AGBL1: variants seen among roughly 807,000 people sequenced by gnomAD.
The protein encoded by AGBL1 is cytosolic carboxypeptidase 4.
A neutral mutation model predicts 118.9 loss-of-function variants in AGBL1; 130 were observed. The ratio of observed to expected loss-of-function variants is 1.09; its 90% confidence interval spans 0.95 to 1.26. AGBL1 has a LOEUF of 1.26. AGBL1 is among the 50% of genes most tolerant of loss of function. The pLI is 0.00. For missense variants in AGBL1, 1,584 were observed against 1,298.1 expected (o/e 1.22, Z -3.38); for synonymous variants, 555 against 478.9 (o/e 1.16, Z -2.08).
chr15:86,932,278 CATG>C (rs1452081684), intron 23 of AGBL1, among the ~76,000 whole-genome samples: 1 of 152,160 alleles, frequency 6.6e-6, no homozygotes, highest in Non-Finnish European at 1.5e-5. Flanking sequence ...AATTTCTAAA[CATG>C]ATATTACTGC....
At chr15:86,501,230 T>C (rs548459044) in intron 18 of AGBL1, among the ~76,000 whole-genome samples, 1 of 151,858 alleles carries the variant, frequency 6.6e-6, no homozygotes, top group East Asian at 1.9e-4. Context: ...TTTTGTAATT[T>C]TGATTTTCAT....
chr15:86,822,396 C>T (rs1326255324), intron 22 of AGBL1, among the ~76,000 whole-genome samples: 1 of 152,106 alleles, frequency 6.6e-6, no homozygotes, highest in Non-Finnish European at 1.5e-5. Flanking sequence ...TTTTTAAGAA[C>T]CCAGGCTAAG....
At chr15:86,291,010 G>A (rs900728213) in intron 16 of AGBL1, among the ~76,000 whole-genome samples, 5 of 152,126 alleles carry the variant, frequency 3.3e-5, no homozygotes, top group African/African-American at 1.2e-4. Context: ...TCCCTACAAA[G>A]GACATGAACT....
At chr15:86,192,424 A>G (rs971583189) in intron 5 of AGBL1, among the ~76,000 whole-genome samples, 2 of 151,850 alleles carry the variant, frequency 1.3e-5, no homozygotes, top group African/African-American at 2.4e-5. Flanking sequence ...CAATGTACAT[A>G]CATATGTGTA....
At chr15:86,266,260 T>C (rs1207230411) in intron 11 of AGBL1, 114 bp from the exon 12 acceptor site, 2 of 646,350 alleles carry the variant, frequency 3.1e-6, no homozygotes, top group Non-Finnish European at 5.3e-6. Flanking sequence ...ATTAAACTTC[T>C]CTGTGCTTTC....
intron 22 of AGBL1, among the ~76,000 whole-genome samples, chr15:86,887,892 G>A (rs549921604): frequency 6.6e-6 from 1 of 152,026 alleles, no homozygotes; most frequent in African/African-American, 2.4e-5. Flanking sequence ...ACTACACAGA[G>A]GTATAGATTC....
chr15:87,025,911 G>A (rs1312047442), intron 24 of AGBL1, among the ~76,000 whole-genome samples: 2 of 151,966 alleles, frequency 1.3e-5, no homozygotes, highest in African/African-American at 4.8e-5. Context: ...GTGGGGAAAG[G>A]ACACCCTTTT....
intron 22 of AGBL1, among the ~76,000 whole-genome samples, chr15:86,687,531 A>C (rs1047640566): frequency 6.6e-6 from 1 of 152,172 alleles, no homozygotes; most frequent in Non-Finnish European, 1.5e-5. Flanking sequence ...AAAGGATAGG[A>C]TGATTATATG....
intron 1 of AGBL1, among the ~76,000 whole-genome samples, chr15:86,131,700 G>C (rs1011496647): frequency 6.6e-6 from 1 of 152,120 alleles, no homozygotes; most frequent in Non-Finnish European, 1.5e-5. Context: ...GTAAATCCCA[G>C]CACTTTGGGA....
intron 5 of AGBL1, among the ~76,000 whole-genome samples, chr15:86,204,712 C>A (rs1181351296): frequency 2.0e-5 from 3 of 152,190 alleles, no homozygotes; most frequent in African/African-American, 7.2e-5. Context: ...GCCTCAGCCT[C>A]CCGAGTAGCT....
intron 19 of AGBL1, among the ~76,000 whole-genome samples, chr15:86,534,422 C>G (rs143076079): frequency 1.1e-3 from 168 of 152,326 alleles, no homozygotes; most frequent in African/African-American, 3.8e-3. Context: ...GGCCTATGAT[C>G]TCTTGAGTCT....
At chr15:86,771,371 C>T (rs2078177561) in intron 22 of AGBL1, among the ~76,000 whole-genome samples, 1 of 151,984 alleles carries the variant, frequency 6.6e-6, no homozygotes, top group Non-Finnish European at 1.5e-5. Flanking sequence ...GTGACAAAAG[C>T]TATTAAGTGG....
rs574660084 is a variant in AGBL1, at chr15:86,163,312, C to T, written c.488+4286C>T. ...GGTGTGGTGGTGCACACCTGTAGTC[C>T]CAGCTACTCAGGAGGCTGAGGTGGG... On this transcript the variant is annotated intron_variant, in intron 5 of 22. Transcript: ENST00000614907. Among the ~76,000 whole-genome samples, 11 of 152,272 alleles carry T rather than the reference C, an allele frequency of 7.2e-5. No homozygotes were observed. In the East Asian group the frequency reaches 2.1e-3, roughly 29 times the overall value.
chr15:86,674,977 G>A (rs1201566042), intron 22 of AGBL1, among the ~76,000 whole-genome samples: 3 of 152,166 alleles, frequency 2.0e-5, no homozygotes, highest in South Asian at 2.1e-4. Flanking sequence ...TCTGAGAATC[G>A]TGGAGATTAT....
chr15:86,596,708 T>A (rs2084411525), intron 21 of AGBL1, among the ~76,000 whole-genome samples: 2 of 152,178 alleles, frequency 1.3e-5, no homozygotes, highest in Admixed American at 6.6e-5. Context: ...ACCATAAATA[T>A]CTTACCTTCA....
At chr15:86,780,187 CT>C (rs1555449355) in intron 22 of AGBL1, among the ~76,000 whole-genome samples, 1 of 58,042 alleles carries the variant, frequency 1.7e-5, no homozygotes, top group Non-Finnish European at 4.1e-5. Flanking sequence ...GACACATTTT[CT>C]TGCCATTGAC....
At chr15:86,657,453 A>G (rs1040039165) in intron 21 of AGBL1, among the ~76,000 whole-genome samples, 1 of 152,162 alleles carries the variant, frequency 6.6e-6, no homozygotes, top group Non-Finnish European at 1.5e-5. Context: ...TGTGTGGGTA[A>G]AGCTATTAGA....
intron 18 of AGBL1, among the ~76,000 whole-genome samples, chr15:86,506,149 C>A (rs1007524845): frequency 1.3e-5 from 2 of 152,038 alleles, no homozygotes; most frequent in Non-Finnish European, 1.5e-5. Flanking sequence ...CAGTTTACAT[C>A]TCTTCTTTAA....
chr15:86,276,115 T>C (rs2079246678), intron 15 of AGBL1, among the ~76,000 whole-genome samples: 1 of 152,216 alleles, frequency 6.6e-6, no homozygotes, highest in African/African-American at 2.4e-5. Flanking sequence ...ATAAAAGTCA[T>C]AGTATATGGA....
Sources: gnomAD v4.1 joint callset for allele counts (sites outside exome capture counted in the v4.1 genomes callset) on GRCh38, gnomAD v4.1.1 for gene constraint, MANE v1.5 for transcripts, NCBI Gene and HGNC (gene_info 2026-07-23, HGNC 2026-07-21) for gene names.